The following ARHGAP5 variants were observed in gnomAD, a reference collection of about 807,000 sequenced individuals.
The protein encoded by ARHGAP5 is rho GTPase-activating protein 5.
Under a neutral mutation model 116.6 loss-of-function variants are expected in ARHGAP5, and 23 were observed. The observed-to-expected ratio is 0.20, with a 90% CI of 0.14 to 0.28. ARHGAP5 has a LOEUF of 0.28. Among genes scored for constraint, ARHGAP5 ranks in the 10% least tolerant of loss-of-function variants. ARHGAP5 has a pLI of 1.00. For missense variants in ARHGAP5, 1,405 were observed against 1,774.8 expected (o/e 0.79, Z 3.74); for synonymous variants, 574 against 602.0 (o/e 0.95, Z 0.68).
Position 32,081,646 on chromosome 14 carries a change from A to G in ARHGAP5, c.-169+4211A>G, listed in dbSNP as rs1594336556. 2.0e-5 allele frequency among the ~76,000 whole-genome samples: 3 copies of G among 151,612 alleles called. No individual in the cohort carries two copies. The East Asian group carries it at 5.9e-4, about 30-fold the overall frequency. ...GAGAAGGTATTAATGCAAGAGTGATAGAAGGGGTGATGTAGAAATAAACAC... is the reference window on the plus strand; with the variant it reads ...GAGAAGGTATTAATGCAAGAGTGATGGAAGGGGTGATGTAGAAATAAACAC... On this transcript the variant is annotated intron_variant, in intron 1 of 6. Coordinates refer to ENST00000345122, the MANE Select transcript of ARHGAP5 (RefSeq NM_001030055.2).
chr14:32,147,322 CAT>C (rs1299406710), intron 4 of ARHGAP5, among the ~76,000 whole-genome samples: 4 of 152,130 alleles, frequency 2.6e-5, no homozygotes, highest in East Asian at 1.9e-4. Flanking sequence ...TTCTGTATGA[CAT>C]GTGGCTAAAA....
At chr14:32,111,839 A>ATTT (rs34512246) in intron 2 of ARHGAP5, among the ~76,000 whole-genome samples, 79 of 93,154 alleles carry the variant, frequency 8.5e-4, no homozygotes, top group African/African-American at 2.1e-3. Flanking sequence ...TTCTTCTTTG[A>ATTT]TTTTTTTTTT....
In ARHGAP5 at chr14:32,095,940, T is replaced by A. The variant is rs191464092; in HGVS notation, c.3717+1554T>A. 1.3e-3 allele frequency among the ~76,000 whole-genome samples: 192 copies of A among 151,336 alleles called. 1 individual carries two copies. The highest frequency in any genetic ancestry group is 4.3e-3 in the African/African-American group (177 of 41,202). On this transcript the variant is annotated intron_variant, in intron 2 of 6. Transcript: ENST00000345122. ...TTTTTAAATTGCTTTTATTTTTGTG[T>A]TTTTTTTTCCATTTTTGTTCACAAG...
chr14:32,152,869 T>G (rs1443404556), intron 6 of ARHGAP5, among the ~76,000 whole-genome samples: 1 of 152,100 alleles, frequency 6.6e-6, no homozygotes, highest in African/African-American at 2.4e-5. Flanking sequence ...TTCTGTGACC[T>G]TGGGTAAATG....
At chr14:32,085,323 G>T (rs1415075858) in intron 1 of ARHGAP5, among the ~76,000 whole-genome samples, 1 of 151,992 alleles carries the variant, frequency 6.6e-6, no homozygotes. Context: ...GGTGGTGCAT[G>T]CCTAGAGTCC....
At chr14:32,110,009 T>C (rs1039777622) in intron 2 of ARHGAP5, among the ~76,000 whole-genome samples, 1 of 152,158 alleles carries the variant, frequency 6.6e-6, no homozygotes, top group Admixed American at 6.5e-5. Context: ...CTCTTATTTG[T>C]TGTTTATTTT....
intron 4 of ARHGAP5, among the ~76,000 whole-genome samples, chr14:32,147,487 A>G (rs1881430563): frequency 6.6e-6 from 1 of 152,232 alleles, no homozygotes; most frequent in Non-Finnish European, 1.5e-5. Context: ...AGCGTAAGTA[A>G]ACATGTATCT....
At chr14:32,133,312 A>ATTCTC (rs1292129057) in intron 3 of ARHGAP5, among the ~76,000 whole-genome samples, 12 of 152,084 alleles carry the variant, frequency 7.9e-5, no homozygotes, top group African/African-American at 2.7e-4. Flanking sequence ...ATCCCTTGTA[A>ATTCTC]GTTGGATTCC....
chr14:32,097,398 A>ATAG lies in ARHGAP5; in HGVS notation c.3717+3013_3717+3015dup, dbSNP rs554384799. ...AATGAGAAAAAATACTATAATGACA[A>ATAG]TAGATGCAGAAGAAAGACTTGATAA... On this transcript the variant is annotated intron_variant, in intron 2 of 6. Transcript: ENST00000345122. 1.9e-3 allele frequency among the ~76,000 whole-genome samples: 289 copies of ATAG among 152,330 alleles called. 1 individual carries two copies. The highest frequency in any genetic ancestry group is 3.0e-3 in the Non-Finnish European group (203 of 68,020).
intron 3 of ARHGAP5, among the ~76,000 whole-genome samples, chr14:32,139,997 A>G (rs929533210): frequency 2.0e-5 from 3 of 150,004 alleles, no homozygotes; most frequent in Non-Finnish European, 3.0e-5. Flanking sequence ...GTGATTAAAA[A>G]TAATTTTGCC....
intron 3 of ARHGAP5, among the ~76,000 whole-genome samples, chr14:32,135,314 A>T (rs1317273918): frequency 1.3e-5 from 2 of 152,242 alleles, no homozygotes; most frequent in East Asian, 3.8e-4. Flanking sequence ...AGCTGAAAGC[A>T]ACTCATCTAT....
chr14:32,139,447 A>G (rs1026368089), intron 3 of ARHGAP5, among the ~76,000 whole-genome samples: 37 of 152,134 alleles, frequency 2.4e-4, no homozygotes, highest in African/African-American at 8.9e-4. Context: ...TAGTTGGTAT[A>G]TTTCTAAAAA....
chr14:32,087,490 CTTT>C (rs756495863), intron 1 of ARHGAP5, among the ~76,000 whole-genome samples: 1 of 126,136 alleles, frequency 7.9e-6, no homozygotes, highest in Middle Eastern at 4.1e-3. Flanking sequence ...CCCTCCCCCG[CTTT>C]TTTTTTTTTC....
Position 32,149,618 on chromosome 14 carries a change from A to G in ARHGAP5, c.3944-284A>G, listed in dbSNP as rs185261627. ...AAACCCCATGTCTACTAAAAATACA[A>G]AAAATTAGCCGGGCGTGGTGACGGT... On this transcript the variant is annotated intron_variant, in intron 4 of 6. Transcript: ENST00000345122. 3.3e-5 allele frequency among the ~76,000 whole-genome samples: 5 copies of G among 152,014 alleles called. No homozygotes were observed. In the East Asian group the frequency reaches 9.7e-4, roughly 30 times the overall value.
intron 3 of ARHGAP5, among the ~76,000 whole-genome samples, chr14:32,129,940 C>T (rs1880384376): frequency 6.6e-6 from 1 of 152,120 alleles, no homozygotes; most frequent in Non-Finnish European, 1.5e-5. Flanking sequence ...TGGCTCACAC[C>T]TGTAATACCA....
intron 3 of ARHGAP5, among the ~76,000 whole-genome samples, chr14:32,120,032 A>G (rs1228483399): frequency 6.6e-6 from 1 of 152,014 alleles, no homozygotes; most frequent in Non-Finnish European, 1.5e-5. Flanking sequence ...AATTGGTAGT[A>G]TTTCTTTCTT....
chr14:32,151,254 G>A (rs971844615), intron 5 of ARHGAP5, among the ~76,000 whole-genome samples: 5 of 152,198 alleles, frequency 3.3e-5, no homozygotes, highest in African/African-American at 1.2e-4. Flanking sequence ...CAAATGAAAT[G>A]TTGTTAGTAA....
chr14:32,122,475 C>T (rs1367271318), intron 3 of ARHGAP5, among the ~76,000 whole-genome samples: 4 of 152,096 alleles, frequency 2.6e-5, no homozygotes, highest in Non-Finnish European at 5.9e-5. Context: ...TTTACAACTT[C>T]TTGAAGATAT....
Position 32,132,838 on chromosome 14 carries a change from A to G in ARHGAP5, c.3866-13425A>G, listed in dbSNP as rs1340469241. ...GTTTTCCCAGCACCATTTATTAAAT[A>G]GGGAATCCTTTCCCCATTGCTTGTT... On this transcript the variant is annotated intron_variant, in intron 3 of 6. Coordinates refer to ENST00000345122, the MANE Select transcript of ARHGAP5 (RefSeq NM_001030055.2). 3.9e-5 allele frequency among the ~76,000 whole-genome samples: 6 copies of G among 152,350 alleles called. 1 individual carries two copies. In the East Asian group the frequency reaches 7.7e-4, roughly 20 times the overall value.
Sources: gnomAD v4.1 joint callset for allele counts (sites outside exome capture counted in the v4.1 genomes callset) on GRCh38, gnomAD v4.1.1 for gene constraint, MANE v1.5 for transcripts, NCBI Gene and HGNC (gene_info 2026-07-23, HGNC 2026-07-21) for gene names.